Variants in SVOPL observed in about 807,000 individuals in gnomAD.
The protein encoded by SVOPL is putative transporter SVOPL.
A neutral mutation model predicts 61.0 loss-of-function variants in SVOPL; 60 were observed. The ratio of observed to expected loss-of-function variants is 0.98; its 90% confidence interval spans 0.80 to 1.22. The LOEUF is 1.22. SVOPL is among the 50% of genes most tolerant of loss of function. The probability of loss-of-function intolerance (pLI) is 0.00; values close to 1 mark genes in which losing one functional copy is unlikely to be tolerated. For synonymous variants in SVOPL, 279 were observed against 250.0 expected (o/e 1.12, Z -1.09); for missense variants, 662 against 643.9 (o/e 1.03, Z -0.30).
At chr7:138,661,113 T>C in intron 5 of SVOPL, 2 of 985,466 alleles carry the variant, frequency 2.0e-6, no homozygotes, top group South Asian at 4.7e-5. Context: ...CTTTAAAACA[T>C]ACAGCCAATT....
intron 4 of SVOPL, among the ~76,000 whole-genome samples, chr7:138,664,507 T>A (rs1229083911): frequency 2.7e-5 from 3 of 111,526 alleles, no homozygotes; most frequent in African/African-American, 1.1e-4. Flanking sequence ...CCTGACCCTT[T>A]ATCGGGCGCG....
At chr7:138,698,231 T>C (rs907879036) in intron 1 of SVOPL, among the ~76,000 whole-genome samples, 2 of 152,154 alleles carry the variant, frequency 1.3e-5, no homozygotes, top group African/African-American at 4.8e-5. Flanking sequence ...CTCCATTTCT[T>C]CTGCCTGCAT....
At chr7:138,625,691 T>C (rs1201177241) in intron 13 of SVOPL, among the ~76,000 whole-genome samples, 2 of 152,200 alleles carry the variant, frequency 1.3e-5, no homozygotes, top group African/African-American at 4.8e-5. Flanking sequence ...TTGCTACCTA[T>C]TACTTCTGGA....
intron 9 of SVOPL, among the ~76,000 whole-genome samples, chr7:138,634,908 G>C (rs912236498): frequency 6.6e-6 from 1 of 152,198 alleles, no homozygotes; most frequent in African/African-American, 2.4e-5. Context: ...AGGCTGCAGT[G>C]AGCCAAGATC....
At chr7:138,689,175 G>A (rs1802884338) in intron 1 of SVOPL, 2 of 1,043,186 alleles carry the variant, frequency 1.9e-6, no homozygotes, top group Non-Finnish European at 3.0e-6. Context: ...TTACAATGGT[G>A]GAGTGGGCAG....
intron 8 of SVOPL, among the ~76,000 whole-genome samples, chr7:138,645,340 T>C (rs1240656304): frequency 6.6e-6 from 1 of 152,106 alleles, no homozygotes; most frequent in Non-Finnish European, 1.5e-5. Context: ...CAGAAAACAT[T>C]ATGGACTTCC....
intron 7 of SVOPL, 147 bp downstream of exon 7, chr7:138,656,301 C>A: frequency 1.3e-6 from 1 of 796,926 alleles, no homozygotes; most frequent in Non-Finnish European, 2.1e-6. Flanking sequence ...ACTGAGAAAC[C>A]AAAAAGGTTG....
At chr7:138,665,222 C>T (rs1168082479) in intron 4 of SVOPL, among the ~76,000 whole-genome samples, 3 of 145,960 alleles carry the variant, frequency 2.1e-5, no homozygotes, top group Non-Finnish European at 4.5e-5. Flanking sequence ...GTTTCTTCAG[C>T]ATGACTCTCA....
chr7:138,686,861 G>A (rs1196170124), intron 1 of SVOPL, among the ~76,000 whole-genome samples: 1 of 151,916 alleles, frequency 6.6e-6, no homozygotes, highest in East Asian at 1.9e-4. Context: ...ACCGCACCTG[G>A]CCTAGTTTTT....
intron 14 of SVOPL, among the ~76,000 whole-genome samples, chr7:138,609,102 G>GT (rs1249015372): frequency 7.2e-5 from 11 of 152,212 alleles, no homozygotes; most frequent in Admixed American, 2.0e-4. Flanking sequence ...AGAACATTCA[G>GT]TACCATTCCT....
intron 14 of SVOPL, among the ~76,000 whole-genome samples, chr7:138,602,514 T>C (rs77592850): frequency 0.053 from 7,897 of 150,214 alleles, 266 homozygotes; most frequent in Middle Eastern, 0.09. Flanking sequence ...TGTCTACATA[T>C]ATATTCACAC....
intron 12 of SVOPL, among the ~76,000 whole-genome samples, chr7:138,626,837 G>C (rs1799914225): frequency 8.9e-6 from 1 of 112,434 alleles, no homozygotes; most frequent in African/African-American, 3.5e-5. Flanking sequence ...CAAGGTGAGA[G>C]AACCTGTCTC....
At chr7:138,652,639 G>A (rs572967233) in intron 7 of SVOPL, among the ~76,000 whole-genome samples, 47 of 151,934 alleles carry the variant, frequency 3.1e-4, no homozygotes, top group African/African-American at 1.1e-3. Flanking sequence ...TTTTGAGATG[G>A]CATTCCATTC....
intron 8 of SVOPL, among the ~76,000 whole-genome samples, chr7:138,645,398 C>T (rs1801049397): frequency 6.6e-6 from 1 of 152,188 alleles, no homozygotes. Context: ...TCTCACGCCT[C>T]ACGCAATCAA....
At chr7:138,630,652 G>T (rs1303000281) in intron 9 of SVOPL, among the ~76,000 whole-genome samples, 1 of 152,050 alleles carries the variant, frequency 6.6e-6, no homozygotes, top group East Asian at 1.9e-4. Flanking sequence ...ATAAAAACAA[G>T]TAAGAATGGG....
At chr7:138,642,287 C>CAAAAAAAAAAAAAAAAAAAAAAAAA (rs79469915) in intron 9 of SVOPL, among the ~76,000 whole-genome samples, 1 of 111,670 alleles carries the variant, frequency 9.0e-6, no homozygotes, top group Non-Finnish European at 1.8e-5. Context: ...GGAAATTAGC[C>CAAAAAAAAAAAAAAAAAAAAAAAAA]AAAAAAAAAA....
intron 14 of SVOPL, among the ~76,000 whole-genome samples, chr7:138,603,710 G>A (rs936481418): frequency 6.6e-6 from 1 of 152,204 alleles, no homozygotes. Context: ...TTACTATCTT[G>A]CACATAGACC....
chr7:138,671,977 C>G (rs10234595), intron 4 of SVOPL, 42 bp downstream of exon 4: 1 of 1,528,660 alleles, frequency 6.5e-7, no homozygotes, highest in Non-Finnish European at 8.9e-7. Flanking sequence ...GGAGCCTACG[C>G]CCTCAGTTGC....
At chr7:138,603,955 CTTT>C (rs560678707) in intron 14 of SVOPL, among the ~76,000 whole-genome samples, 51 of 109,238 alleles carry the variant, frequency 4.7e-4, no homozygotes, top group South Asian at 4.0e-3. Flanking sequence ...TTAATTTATT[CTTT>C]TTTTTTTTTT....
Sources: allele counts gnomAD v4.1 joint callset (sites outside exome capture counted in the v4.1 genomes callset), GRCh38; gene constraint gnomAD v4.1.1; transcripts MANE v1.5; gene names NCBI Gene and HGNC (gene_info 2026-07-23, HGNC 2026-07-21).